The following THSD7A variants were observed in gnomAD, a reference collection of about 807,000 sequenced individuals.
THSD7A encodes thrombospondin type-1 domain-containing protein 7A.
In THSD7A, 96 loss-of-function variants were observed where a neutral mutation model predicts 231.3. That is an observed-to-expected ratio of 0.41 (90% CI 0.35 to 0.49). The LOEUF is 0.49. Ranked by LOEUF, THSD7A falls within the 20% of genes least tolerant of loss-of-function variation. THSD7A has a pLI of 0.05. For synonymous variants in THSD7A, 940 were observed against 743.3 expected (o/e 1.26, Z -4.30); for missense variants, 2,290 against 2,070.2 (o/e 1.11, Z -2.06).
chr7:11,793,450 T>A (rs1784020390), intron 1 of THSD7A, among the ~76,000 whole-genome samples: 1 of 151,590 alleles, frequency 6.6e-6, no homozygotes, highest in South Asian at 2.1e-4. Context: ...ACCTTAAAAA[T>A]AAATAAGCAA....
chr7:11,812,438 A>ATT (rs1282843336), intron 1 of THSD7A, among the ~76,000 whole-genome samples: 1 of 152,210 alleles, frequency 6.6e-6, no homozygotes, highest in East Asian at 1.9e-4. Flanking sequence ...CTTATATTTA[A>ATT]TTATAGGGCA....
Position 11,406,350 on chromosome 7 carries a change from T to C in THSD7A, c.4187A>G (p.Asp1396Gly), listed in dbSNP as rs776461816. 1.9e-6 allele frequency: 3 copies of C among 1,613,730 alleles called. No individual in the cohort carries two copies. In the African/African-American group the frequency reaches 4.0e-5, roughly 22 times the overall value. ...CTCCAGAACCATATTTTTATTACCA[T>C]CTATAATGAGTTCAATGTCAGCACA... Reference protein sequence around the residue: ...EFCADIELIIDGNKNMVLEES... With the variant: ...EFCADIELIIGGNKNMVLEES... Residue 1396 changes from aspartate (D) to glycine (G), a missense_variant, in exon 22 of 28, where the codon GAT (aspartate) becomes GGT (glycine). Coordinates refer to ENST00000423059, the MANE Select transcript of THSD7A (RefSeq NM_015204.3). This position sits in a 1 kb window ranked among gnomAD's most constrained non-coding sequence, Gnocchi z 4.7.
chr7:11,503,296 T>C (rs946141129), intron 6 of THSD7A, among the ~76,000 whole-genome samples: 10 of 152,172 alleles, frequency 6.6e-5, no homozygotes, highest in South Asian at 2.1e-4. Context: ...TCTTATGCCA[T>C]ATACAAAAAT....
At chr7:11,540,052 C>G (rs1789077801) in intron 6 of THSD7A, among the ~76,000 whole-genome samples, 1 of 152,182 alleles carries the variant, frequency 6.6e-6, no homozygotes, top group South Asian at 2.1e-4. Flanking sequence ...ACAGAACATG[C>G]TTCTTTTGCT....
intron 23 of THSD7A, among the ~76,000 whole-genome samples, chr7:11,398,036 G>A (rs1261811343): frequency 6.6e-6 from 1 of 152,166 alleles, no homozygotes; most frequent in Non-Finnish European, 1.5e-5. Flanking sequence ...CCATTACTGG[G>A]TATATACACA....
chr7:11,669,166 C>T (rs1055806521), intron 1 of THSD7A, among the ~76,000 whole-genome samples: 6 of 152,028 alleles, frequency 3.9e-5, no homozygotes, highest in African/African-American at 1.4e-4. Flanking sequence ...TGAATTCATT[C>T]ATTTATAATG....
At chr7:11,492,297 C>T (rs146451245) in intron 6 of THSD7A, among the ~76,000 whole-genome samples, 42 of 152,002 alleles carry the variant, frequency 2.8e-4, no homozygotes, top group African/African-American at 9.9e-4. Flanking sequence ...ATGATTACTG[C>T]CTCTCTTTCT....
chr7:11,531,735 TGAG>T (rs113621226), intron 6 of THSD7A, among the ~76,000 whole-genome samples: 4 of 152,284 alleles, frequency 2.6e-5, no homozygotes, highest in African/African-American at 9.6e-5. Context: ...GAAAAGATGA[TGAG>T]TTTGACTTTG....
At chr7:11,820,302 C>T (rs557262329) in intron 1 of THSD7A, 2 of 600,082 alleles carry the variant, frequency 3.3e-6, no homozygotes, top group Non-Finnish European at 5.1e-6. Context: ...CAAGGAATTC[C>T]GTAAAGAGTG....
intron 1 of THSD7A, among the ~76,000 whole-genome samples, chr7:11,807,526 T>C (rs889406390): frequency 9.9e-5 from 15 of 152,144 alleles, no homozygotes; most frequent in African/African-American, 3.4e-4. Flanking sequence ...ATTGATTTTA[T>C]CAACTTTTTC....
At chr7:11,407,864 G>C (rs1191636844) in intron 19 of THSD7A, among the ~76,000 whole-genome samples, 1 of 151,968 alleles carries the variant, frequency 6.6e-6, no homozygotes. Context: ...AAAGGAAAAG[G>C]TTCTAAACAT....
intron 23 of THSD7A, among the ~76,000 whole-genome samples, chr7:11,399,322 G>A (rs184646639): frequency 2.6e-5 from 4 of 152,042 alleles, no homozygotes; most frequent in Admixed American, 6.6e-5. Context: ...GCTATTCACC[G>A]AATTATATTC....
Position 11,541,596 on chromosome 7 carries a change from G to A in THSD7A, c.1645C>T (p.Pro549Ser). The A allele has an allele frequency of 6.2e-7, 1 of 1,613,988 alleles. No individual in the cohort carries two copies. The highest frequency in any genetic ancestry group is 1.1e-5 in the South Asian group (1 of 91,082). Reference sequence around the variant, plus strand: ...CCGGTTACCCCAGAGCCTCCAGTGGGCTCATTGGTAATGCGCCGCTTCCTC... The same window carrying A: ...CCGGTTACCCCAGAGCCTCCAGTGGACTCATTGGTAATGCGCCGCTTCCTC... Reference protein sequence around the residue: ...KLRKRRITNEPTGGSGVTGNC... With the variant: ...KLRKRRITNESTGGSGVTGNC... The change falls in exon 6 of 28, where the codon CCC (proline) becomes TCC (serine). Residue 549 changes from proline to serine, a missense_variant. Pro to Ser is a moderately conservative substitution (Grantham distance 74). Transcript: ENST00000423059.
chr7:11,741,803 A>C (rs1420834488), intron 1 of THSD7A, among the ~76,000 whole-genome samples: 1 of 151,974 alleles, frequency 6.6e-6, no homozygotes, highest in Non-Finnish European at 1.5e-5. Context: ...ATTTGTATCC[A>C]TAATTTTGCT....
At chr7:11,397,346 C>G (rs1211398110) in intron 23 of THSD7A, among the ~76,000 whole-genome samples, 2 of 152,140 alleles carry the variant, frequency 1.3e-5, no homozygotes, top group African/African-American at 4.8e-5. Flanking sequence ...GTCGGGAAAA[C>G]TGGCTAGCCA....
chr7:11,543,855 C>T (rs1377227657), intron 4 of THSD7A, among the ~76,000 whole-genome samples: 1 of 151,836 alleles, frequency 6.6e-6, no homozygotes, highest in South Asian at 2.1e-4. Context: ...TTTGTATATA[C>T]TTGACAGTTA....
chr7:11,413,056 C>A, intron 17 of THSD7A, among the ~76,000 whole-genome samples: 1 of 151,928 alleles, frequency 6.6e-6, no homozygotes. Flanking sequence ...TACACAGCCA[C>A]ACATATGGTG....
intron 9 of THSD7A, among the ~76,000 whole-genome samples, chr7:11,468,469 A>G (rs1785798726): frequency 6.6e-6 from 1 of 152,130 alleles, no homozygotes; most frequent in South Asian, 2.1e-4. Context: ...TCATGCCATT[A>G]ACATGTTTAT....
intron 6 of THSD7A, among the ~76,000 whole-genome samples, chr7:11,484,875 T>TTTG (rs1786587718): frequency 5.0e-5 from 1 of 19,890 alleles, no homozygotes; most frequent in South Asian, 2.3e-3. Flanking sequence ...ACAACCTTAA[T>TTTG]TTTTTTTTTT....
Sources: gnomAD v4.1 joint callset for allele counts (sites outside exome capture counted in the v4.1 genomes callset) on GRCh38, gnomAD v4.1.1 for gene constraint, Gnocchi (gnomAD v3.1) non-coding constraint, MANE v1.5 for transcripts, NCBI Gene and HGNC (gene_info 2026-07-23, HGNC 2026-07-21) for gene names.